Variants in UBE2L3 observed in about 807,000 individuals in gnomAD.
The protein encoded by UBE2L3 is ubiquitin conjugating enzyme E2 L3.
A neutral mutation model predicts 17.8 loss-of-function variants in UBE2L3; 1 was observed. That is an observed-to-expected ratio of 0.06 (90% CI 0.02 to 0.27). The LOEUF is 0.27. Ranked by LOEUF, UBE2L3 falls within the 10% of genes least tolerant of loss-of-function variation. UBE2L3 has a pLI of 1.00. For missense variants in UBE2L3, 40 were observed against 192.6 expected (o/e 0.21, Z 4.69); for synonymous variants, 44 against 68.5 (o/e 0.64, Z 1.76).
At chr22:21,560,979 G>T (rs1215092145) in intron 1 of UBE2L3, among the ~76,000 whole-genome samples, 47 of 152,376 alleles carry the variant, frequency 3.1e-4, no homozygotes, top group Admixed American at 2.9e-3. Flanking sequence ...GAATGGAGTA[G>T]AAGGAAGGTG....
At chr22:21,611,599 T>A (rs1929483594) in intron 3 of UBE2L3, among the ~76,000 whole-genome samples, 1 of 152,160 alleles carries the variant, frequency 6.6e-6, no homozygotes, top group South Asian at 2.1e-4. Context: ...TGGGATTCCC[T>A]GGAGTTGGAT....
intron 1 of UBE2L3, among the ~76,000 whole-genome samples, chr22:21,561,726 C>T (rs1268800023): frequency 3.3e-5 from 5 of 152,366 alleles, no homozygotes; most frequent in East Asian, 1.9e-4. Flanking sequence ...AGCCTGGGCA[C>T]AGTGGGGGGT....
Position 21,568,370 on chromosome 22 carries a change from C to G in UBE2L3, c.27+599C>G, listed in dbSNP as rs895806294. The G allele has an allele frequency of 3.0e-6, 3 of 985,352 alleles. No individual in the cohort carries two copies. In the African/African-American group the frequency reaches 5.2e-5, roughly 17 times the overall value. 61.0% of individuals were successfully genotyped at this position (985,352 alleles called of 1,614,324 possible). On this transcript the variant is annotated intron_variant, in intron 1 of 3. Transcript: ENST00000342192. ...CTGTCGCCTTGTGACTGCAGAGTCA[C>G]ACAGCGGGTAAGTTCCAACTCCAGG...
At position 21,611,051 on chromosome 22, in the gene UBE2L3, ATGTGCC is replaced by A. The variant is rs1929444834; in HGVS notation, c.310+13_310+18del. 1 of 1,592,400 alleles carries A rather than the reference ATGTGCC, an allele frequency of 6.3e-7. No individual in the cohort carries two copies. Among genetic ancestry groups the A allele is most frequent in the African/African-American group, 1.4e-5 (1 of 73,934 alleles). On this transcript the variant is annotated intron_variant, in intron 3 of 3. Transcript: ENST00000342192. ...CAACCAAAACCGACCAAGGTAAGAC[ATGTGCC>A]TGTGTCTTCCTCGGAGGGGGTCTTT... is the stretch of plus-strand genomic sequence containing the variant.
chr22:21,587,854 G>A (rs1221690842), intron 1 of UBE2L3, among the ~76,000 whole-genome samples: 7 of 152,298 alleles, frequency 4.6e-5, no homozygotes, highest in Non-Finnish European at 7.4e-5. Flanking sequence ...TGGGGCATGG[G>A]TGTTTTCCAT....
intron 1 of UBE2L3, among the ~76,000 whole-genome samples, chr22:21,558,698 T>C (rs1357772071): frequency 6.6e-6 from 1 of 151,084 alleles, no homozygotes; most frequent in Non-Finnish European, 1.5e-5. Context: ...CTATGTTGCC[T>C]GGGCTGGTCT....
In UBE2L3 at chr22:21,610,973, C is replaced by T. The variant is rs547243541; in HGVS notation, c.240C>T (p.Asp80=). The change falls in exon 3 of 4, where the codon GAC becomes GAT. Residue 80 remains aspartate, a synonymous_variant. Transcript: ENST00000342192. ...FKTKIYHPNI[D]EKGQVCLPVI... ...CAAAGATCTATCACCCAAACATCGACGAAAAGGGGCAGGTCTGTCTGCCAG... is the reference window on the plus strand; with the variant it reads ...CAAAGATCTATCACCCAAACATCGATGAAAAGGGGCAGGTCTGTCTGCCAG... The T allele has an allele frequency of 2.0e-5, 32 of 1,613,190 alleles. No homozygotes were observed. Among genetic ancestry groups the T allele is most frequent in the African/African-American group, 4.0e-5 (3 of 74,888 alleles).
intron 1 of UBE2L3, among the ~76,000 whole-genome samples, chr22:21,551,992 T>TATACAC: frequency 1.0e-5 from 1 of 99,808 alleles, no homozygotes; most frequent in East Asian, 2.9e-4. Flanking sequence ...ACTGAAGAAA[T>TATACAC]ACACACACAC....
intron 1 of UBE2L3, among the ~76,000 whole-genome samples, chr22:21,591,489 C>T (rs1272661319): frequency 2.0e-5 from 3 of 152,218 alleles, no homozygotes; most frequent in Non-Finnish European, 2.9e-5. Flanking sequence ...TCATTCACTG[C>T]ACTCTCCCTC....
intron 1 of UBE2L3, among the ~76,000 whole-genome samples, chr22:21,576,800 C>CTT (rs1330942016): frequency 7.9e-6 from 1 of 126,460 alleles, no homozygotes. Context: ...TCTTCTCTTT[C>CTT]CTTTTTTTTT....
chr22:21,567,652 C>T (rs939656334), upstream of UBE2L3: 11 of 1,547,036 alleles, frequency 7.1e-6, no homozygotes, highest in Admixed American at 7.9e-5. Flanking sequence ...GTGCCCCGCC[C>T]CGCGGCCCCT....
At chr22:21,561,833 C>T (rs1381365363) in intron 1 of UBE2L3, among the ~76,000 whole-genome samples, 1 of 152,206 alleles carries the variant, frequency 6.6e-6, no homozygotes, top group African/African-American at 2.4e-5. Flanking sequence ...CACCTGCATG[C>T]TCTAGATGAG....
At chr22:21,605,662 C>A (rs184480179) in intron 2 of UBE2L3, among the ~76,000 whole-genome samples, 1 of 152,136 alleles carries the variant, frequency 6.6e-6, no homozygotes, top group Admixed American at 6.5e-5. Flanking sequence ...TGTGCCACCA[C>A]GCCTGGCTAA....
intron 1 of UBE2L3, among the ~76,000 whole-genome samples, chr22:21,586,654 A>C (rs1320933405): frequency 6.9e-6 from 1 of 144,694 alleles, no homozygotes; most frequent in African/African-American, 2.6e-5. Flanking sequence ...CACAACCTCC[A>C]CCTCCCGGAT....
rs1200473040 is a variant in UBE2L3, at chr22:21,567,724, A to C, written c.-21A>C. 4 of 1,578,300 alleles carry C rather than the reference A, an allele frequency of 2.5e-6. No homozygotes were observed. The highest frequency in any genetic ancestry group is 3.8e-5 in the Admixed American group (2 of 52,450). ...GGCCGGCCGCGATGCATTCTGGGGA[A>C]GGAGCAGCACCAAATCCAAGATGGC... On this transcript the variant is annotated 5_prime_UTR_variant, in exon 1 of 4. Transcript: ENST00000342192.
chr22:21,614,850 G>C (rs1446088297), intron 3 of UBE2L3, among the ~76,000 whole-genome samples: 1 of 152,172 alleles, frequency 6.6e-6, no homozygotes, highest in Non-Finnish European at 1.5e-5. Flanking sequence ...CCATCAATTG[G>C]TGAGTGAATA....
chr22:21,576,457 C>G (rs1337799366), intron 1 of UBE2L3, among the ~76,000 whole-genome samples: 1 of 151,926 alleles, frequency 6.6e-6, no homozygotes, highest in Non-Finnish European at 1.5e-5. Context: ...GCCACCATGC[C>G]CAGCTAATTT....
At chr22:21,568,014 C>G (rs1000824213) in intron 1 of UBE2L3, 1 of 1,324,988 alleles carries the variant, frequency 7.5e-7, no homozygotes, top group African/African-American at 1.6e-5. Flanking sequence ...CCGGGGCGTT[C>G]ACGCCACTCT....
At chr22:21,556,393 TAA>T in intron 1 of UBE2L3, among the ~76,000 whole-genome samples, 1 of 152,064 alleles carries the variant, frequency 6.6e-6, no homozygotes, top group Admixed American at 6.5e-5. Flanking sequence ...ACTCCATCTC[TAA>T]AAAAAAAGTA....
Sources: gnomAD v4.1 joint callset for allele counts (sites outside exome capture counted in the v4.1 genomes callset) on GRCh38, gnomAD v4.1.1 for gene constraint, MANE v1.5 for transcripts, NCBI Gene and HGNC (gene_info 2026-07-23, HGNC 2026-07-21) for gene names.